MBL2: variants seen among roughly 807,000 people sequenced by gnomAD.
The protein encoded by MBL2 is mannose-binding protein C.
MBL2 carries 6 observed loss-of-function variants against 12.7 expected under a neutral mutation model. That is an observed-to-expected ratio of 0.47 (90% CI 0.26 to 0.94). The LOEUF is 0.94. Ranked by LOEUF, MBL2 falls within the 40% of genes least tolerant of loss-of-function variation. The probability of loss-of-function intolerance (pLI) is 0.15; values close to 1 mark genes in which losing one functional copy is unlikely to be tolerated. For synonymous variants in MBL2, 114 were observed against 112.0 expected (o/e 1.02, Z -0.11); for missense variants, 307 against 295.2 (o/e 1.04, Z -0.29).
rs1300578023 is a variant in MBL2, at chr10:52,768,590, G to GTTTTTCGGATAAAA, written c.374-81_374-80insTTTTATCCGAAAAA. 18 of 1,095,988 alleles carry GTTTTTCGGATAAAA rather than the reference G, an allele frequency of 1.6e-5. No individual in the cohort carries two copies. In the East Asian group the frequency reaches 3.7e-4, roughly 22 times the overall value. 67.9% of individuals were successfully genotyped at this position (1,095,988 alleles called of 1,614,324 possible). A position where few individuals can be genotyped will look rare whatever the true frequency, so the allele number is the denominator to read the frequency against. On this transcript the variant is annotated intron_variant, in intron 4 of 4. Coordinates refer to ENST00000674931, the MANE Select transcript of MBL2 (RefSeq NM_001378373.1). ...ATTTCTCAAGAAAAAGTCTTCTAGA[G>GTTTTTCGGATAAAA]TACAGTTGCCGGATAAAATATAGTA...
At chr10:52,771,765 C>G (rs1031185264) in intron 1 of MBL2, 121 bp from the exon 2 acceptor site, 8 of 1,380,918 alleles carry the variant, frequency 5.8e-6, no homozygotes, top group Non-Finnish European at 7.7e-6. Flanking sequence ...CATCCCTGGC[C>G]TCTAGCTGGG....
At position 52,766,719 on chromosome 10, in the gene MBL2, G is replaced by C. The variant is rs765789768; in HGVS notation, c.*1418C>G. The C allele has an allele frequency of 5.9e-5, 9 of 151,876 alleles. No individual in the cohort carries two copies. Among genetic ancestry groups the C allele is most frequent in the Non-Finnish European group, 1.3e-4 (9 of 67,964 alleles). 9.4% of individuals were successfully genotyped at this position (151,876 alleles called of 1,614,324 possible). A position where few individuals can be genotyped will look rare whatever the true frequency, so the allele number is the denominator to read the frequency against. ...TTTGTTCATCAAAATTCAACATTAG[G>C]AGCAAGTCAAAAACTAGCAAAATAT... On this transcript the variant is annotated 3_prime_UTR_variant, in exon 5 of 5. Transcript: ENST00000674931.
chr10:52,770,312 C>A (rs1589871455), intron 3 of MBL2, among the ~76,000 whole-genome samples: 1 of 152,190 alleles, frequency 6.6e-6, no homozygotes, highest in African/African-American at 2.4e-5. Context: ...ATATGACATA[C>A]CATGGTTACA....
chr10:52,770,745 C>T lies in MBL2; in HGVS notation c.229G>A (p.Gly77Arg), dbSNP rs1415008241. ...GAAGGCCCTGGATTTCCTGGAGGCCCCAACTTTCCAGGGGGGCCCTGTAAG... is the reference window on the plus strand; with the variant it reads ...GAAGGCCCTGGATTTCCTGGAGGCCTCAACTTTCCAGGGGGGCCCTGTAAG... ...RGLQGPPGKL[G>R]PPGNPGPSGS... The change falls in exon 3 of 5, where the codon GGG becomes AGG. Residue 77 changes from glycine (G) to arginine (R), a missense_variant. Transcript: ENST00000674931. 1.3e-6 allele frequency: 2 copies of T among 1,520,640 alleles called. No homozygotes were observed. Among genetic ancestry groups the T allele is most frequent in the Admixed American group, 1.9e-5 (1 of 51,332 alleles). 94.2% of individuals were successfully genotyped at this position (1,520,640 alleles called of 1,614,324 possible).
intron 2 of MBL2, among the ~76,000 whole-genome samples, 179 bp from the exon 3 acceptor site, chr10:52,770,965 G>A (rs1000247371): frequency 2.6e-5 from 4 of 152,212 alleles, no homozygotes; most frequent in African/African-American, 9.6e-5. Flanking sequence ...AAGAAATAAA[G>A]TTGCCACGTG....
intron 3 of MBL2, among the ~76,000 whole-genome samples, chr10:52,770,183 T>C (rs1840369765): frequency 6.6e-6 from 1 of 152,162 alleles, no homozygotes; most frequent in Non-Finnish European, 1.5e-5. Context: ...CACAGACATG[T>C]GGGTAAGCCC....
rs139905034 is a variant in MBL2, at chr10:52,768,158, G to T, written c.726C>A (p.Ala242=). ...CCCTTCAGATAGGGAACTCACAGAC[G>T]GCCAGATGGGAGGTGGAGCAGGGGA... The part of the protein sequence containing the change: ...NDVPCSTSHL[A]VCEFPI Residue 242 remains alanine, a synonymous_variant, in exon 5 of 5, where the codon GCC becomes GCA. Transcript: ENST00000674931. The T allele has an allele frequency of 1.9e-4, 300 of 1,607,016 alleles. 1 individual carries two copies. Among genetic ancestry groups the T allele is most frequent in the African/African-American group, 5.2e-4 (39 of 74,742 alleles).
rs1314323791 is a variant in MBL2, at chr10:52,766,459, C to T, written c.*1678G>A. On this transcript the variant is annotated 3_prime_UTR_variant, in exon 5 of 5. Transcript: ENST00000674931. ...TGGTCTTTCCTACATAGTGCTGTCT[C>T]AAGTGGATATCTATTCTACCAGGAA... 9.2e-5 allele frequency: 14 copies of T among 151,940 alleles called. No homozygotes were observed. The highest frequency in any genetic ancestry group is 9.2e-4 in the Admixed American group (14 of 15,256). 9.4% of individuals were successfully genotyped at this position (151,940 alleles called of 1,614,324 possible).
intron 2 of MBL2, 93 bp from the exon 3 acceptor site, chr10:52,770,879 A>ATTG: frequency 1.0e-5 from 6 of 602,614 alleles, no homozygotes; most frequent in Non-Finnish European, 1.6e-5. Flanking sequence ...AGGAGAAAGG[A>ATTG]GACCTTGACC....
At position 52,768,513 on chromosome 10, in the gene MBL2, A is replaced by C; in HGVS notation, c.374-3T>G. ...TTTGCCCAGAGAGAAGGTGAGCCCT[A>C]AAATGTGAAAAAGTGGGTGAAACTG... On this transcript the variant is annotated splice_region_variant and splice_polypyrimidine_tract_variant and intron_variant, in intron 4 of 4. Coordinates refer to ENST00000674931, the MANE Select transcript of MBL2 (RefSeq NM_001378373.1). The C allele has an allele frequency of 1.3e-6, 2 of 1,530,880 alleles. No homozygotes were observed. The highest frequency in any genetic ancestry group is 1.8e-6 in the Non-Finnish European group (2 of 1,141,740). The allele number at this position is 1,530,880 out of a possible 1,614,324, so 94.8% of individuals were successfully genotyped here.
chr10:52,772,306 C>T (rs1450846566), intron 1 of MBL2, among the ~76,000 whole-genome samples: 1 of 152,136 alleles, frequency 6.6e-6, no homozygotes, highest in Non-Finnish European at 1.5e-5. Context: ...CTACGTTGGC[C>T]CTGGCAGAGT....
intron 4 of MBL2, among the ~76,000 whole-genome samples, 181 bp downstream of exon 4, chr10:52,769,066 G>T (rs1436289796): frequency 6.6e-6 from 1 of 151,960 alleles, no homozygotes; most frequent in Non-Finnish European, 1.5e-5. Flanking sequence ...CTGTGCATTT[G>T]AACAAGTAAT....
Position 52,770,692 on chromosome 10 carries a change from T to C in MBL2, c.282A>G (p.Lys94=). ...TACCCGGACTTTTTCCAGGGTCTCC[T>C]TTTTGGCCCTTTGGTCCTGGTGACC... ...PSGSPGPKGQ[K]GDPGKSPDGD... The change falls in exon 3 of 5, where the codon AAA becomes AAG. Residue 94 remains lysine (K), a synonymous_variant. Transcript: ENST00000674931. The C allele has an allele frequency of 1.3e-6, 2 of 1,496,254 alleles. No homozygotes were observed. Among genetic ancestry groups the C allele is most frequent in the Non-Finnish European group, 1.8e-6 (2 of 1,115,214 alleles). The allele number at this position is 1,496,254 out of a possible 1,614,324, so 92.7% of individuals were successfully genotyped here.
chr10:52,772,693 C>T (rs2132695863), intron 1 of MBL2, 44 bp downstream of exon 1: 1 of 983,352 alleles, frequency 1.0e-6, no homozygotes. Context: ...GCTCCCCAAA[C>T]CCTTGATCCG....
chr10:52,771,631 G>A lies in MBL2; in HGVS notation c.5C>T (p.Ser2Phe). 6.2e-7 allele frequency: 1 copy of A among 1,613,492 alleles called. No homozygotes were observed. The highest frequency in any genetic ancestry group is 8.5e-7 in the Non-Finnish European group (1 of 1,179,654). The change falls in exon 2 of 5, where the codon TCC becomes TTC. Residue 2 changes from serine to phenylalanine, a missense_variant. Ser to Phe is a radical substitution (Grantham distance 155, BLOSUM62 -2). Coordinates refer to ENST00000674931, the MANE Select transcript of MBL2 (RefSeq NM_001378373.1). MSLFPSLPLLLL... is the reference protein window; with the variant it reads MFLFPSLPLLLL... ...AAGGAGAGGGAGTGATGGAAACAGG[G>A]ACATGGTCCTCACCTTGGTGTGAGA...
At position 52,772,051 on chromosome 10, in the gene MBL2, G is replaced by A. The variant is rs34313376; in HGVS notation, c.-9-407C>T. Among the ~76,000 whole-genome samples, 28 of 152,126 alleles carry A rather than the reference G, an allele frequency of 1.8e-4. No individual in the cohort carries two copies. The South Asian group carries it at 5.2e-3, about 28-fold the overall frequency. ...CCTCTTTCTCTCCATGTCCTCTTCG[G>A]GTCCATCTGCCACCTGAATCCCATC... is the stretch of plus-strand genomic sequence containing the variant. On this transcript the variant is annotated intron_variant, in intron 1 of 4. Transcript: ENST00000674931.
At chr10:52,769,192 G>T in intron 4 of MBL2, 55 bp downstream of exon 4, 2 of 1,176,038 alleles carry the variant, frequency 1.7e-6, no homozygotes, top group Non-Finnish European at 2.5e-6. Flanking sequence ...AATATTTGTT[G>T]CATTCTATTT....
At position 52,767,127 on chromosome 10, in the gene MBL2, T is replaced by C. The variant is rs1840316469; in HGVS notation, c.*1010A>G. Reference sequence around the variant, plus strand: ...AGCTGAATACATGCTTTCCTCATCCTCTACCAGTTCCACTCCTGGATAGGT... The same window carrying C: ...AGCTGAATACATGCTTTCCTCATCCCCTACCAGTTCCACTCCTGGATAGGT... On this transcript the variant is annotated 3_prime_UTR_variant, in exon 5 of 5. Coordinates refer to ENST00000674931, the MANE Select transcript of MBL2 (RefSeq NM_001378373.1). The C allele has an allele frequency of 6.6e-6, 1 of 152,046 alleles. No individual in the cohort carries two copies. The highest frequency in any genetic ancestry group is 1.5e-5 in the Non-Finnish European group (1 of 68,036). 9.4% of individuals were successfully genotyped at this position (152,046 alleles called of 1,614,324 possible).
rs754719153 is a variant in MBL2 at position 52,769,367 on chromosome 10, CTG to C, written c.305-54_305-53del. The C allele has an allele frequency of 7.1e-6, 8 of 1,132,410 alleles. No individual in the cohort carries two copies. In the African/African-American group the frequency reaches 1.1e-4, roughly 16 times the overall value. The allele number at this position is 1,132,410 out of a possible 1,614,324, so 70.1% of individuals were successfully genotyped here. On this transcript the variant is annotated intron_variant, in intron 3 of 4. Coordinates refer to ENST00000674931, the MANE Select transcript of MBL2 (RefSeq NM_001378373.1). ...GCATTGTTGAGAAGGAGCCTCAGAACTGTGCATATACAAGGGAGTGGAGTATC... is the reference window on the plus strand; with the variant it reads ...GCATTGTTGAGAAGGAGCCTCAGAACTGCATATACAAGGGAGTGGAGTATC...
Sources: allele counts gnomAD v4.1 joint callset (sites outside exome capture counted in the v4.1 genomes callset), GRCh38; gene constraint gnomAD v4.1.1; transcripts MANE v1.5; gene names NCBI Gene and HGNC (gene_info 2026-07-23, HGNC 2026-07-21).